The following AGPS variants were observed in gnomAD, a reference collection of about 807,000 sequenced individuals.
AGPS encodes the protein alkyldihydroxyacetonephosphate synthase, peroxisomal.
Under a neutral mutation model 90.7 loss-of-function variants are expected in AGPS, and 26 were observed. The observed-to-expected ratio is 0.29, with a 90% CI of 0.21 to 0.40. The LOEUF (loss-of-function observed/expected upper bound fraction) is 0.40. Ranked by LOEUF, AGPS falls within the 10% of genes least tolerant of loss-of-function variation. The pLI, the probability that AGPS is intolerant of heterozygous loss-of-function variation, is 1.00. For synonymous variants in AGPS, 294 were observed against 285.3 expected (o/e 1.03, Z -0.31); for missense variants, 540 against 816.1 (o/e 0.66, Z 4.12).
intron 19 of AGPS, among the ~76,000 whole-genome samples, chr2:177,531,714 G>A (rs1270803298): frequency 6.6e-6 from 1 of 152,090 alleles, no homozygotes; most frequent in African/African-American, 2.4e-5. Flanking sequence ...AATGAATAAA[G>A]TAAAAGCAGT....
At chr2:177,492,078 A>G (rs879823573) in intron 11 of AGPS, among the ~76,000 whole-genome samples, 8 of 152,070 alleles carry the variant, frequency 5.3e-5, no homozygotes, top group Non-Finnish European at 7.4e-5. Flanking sequence ...GAGCCACTGC[A>G]CCCATCCCCT....
chr2:177,475,348 A>G (rs1687751731), intron 10 of AGPS, among the ~76,000 whole-genome samples: 1 of 152,204 alleles, frequency 6.6e-6, no homozygotes, highest in Non-Finnish European at 1.5e-5. Flanking sequence ...AGGGGGTAAG[A>G]CAGCATAGTA....
chr2:177,395,593 G>A (rs531197757), intron 1 of AGPS, among the ~76,000 whole-genome samples: 16 of 152,318 alleles, frequency 1.1e-4, no homozygotes, highest in Non-Finnish European at 2.1e-4. Flanking sequence ...ACTTAGCTGG[G>A]CCTGCAGTTG....
chr2:177,496,951 A>G (rs1243656279), intron 12 of AGPS, among the ~76,000 whole-genome samples: 1 of 152,090 alleles, frequency 6.6e-6, no homozygotes, highest in Non-Finnish European at 1.5e-5. Flanking sequence ...TTTTGTATAA[A>G]TGGTATGACA....
intron 11 of AGPS, among the ~76,000 whole-genome samples, chr2:177,492,072 C>CACTG (rs1248904478): frequency 6.6e-6 from 1 of 152,136 alleles, no homozygotes. Context: ...AAGTGTGAGC[C>CACTG]ACTGCACCCA....
rs1171227644 is a variant in AGPS, at chr2:177,420,216, A to G, written c.261-53A>G. The stretch of plus-strand genomic sequence containing the variant: ...GTTAATAATCAATGATATACTGTAC[A>G]GTTTTAAGATGTTTAGCATTGGTCT... On this transcript the variant is annotated intron_variant, in intron 1 of 19. Coordinates refer to ENST00000264167, the MANE Select transcript of AGPS (RefSeq NM_003659.4). The G allele has an allele frequency of 3.6e-6, 4 of 1,114,170 alleles. No homozygotes were observed. In the East Asian group the frequency reaches 7.1e-5, roughly 20 times the overall value. 69.0% of individuals were successfully genotyped at this position (1,114,170 alleles called of 1,614,324 possible).
chr2:177,475,646 T>G (rs1687760116), intron 10 of AGPS, among the ~76,000 whole-genome samples: 1 of 152,250 alleles, frequency 6.6e-6, no homozygotes, highest in African/African-American at 2.4e-5. Flanking sequence ...ATTCCTTTTT[T>G]TATAACTGAA....
rs565376883 is a variant in AGPS at position 177,537,409 on chromosome 2, G to A, written c.1856-665G>A. On this transcript the variant is annotated intron_variant, in intron 19 of 19. Coordinates refer to ENST00000264167, the MANE Select transcript of AGPS (RefSeq NM_003659.4). The stretch of plus-strand genomic sequence containing the variant: ...TGTAAAAGCAAAAGATTAAGTTTAC[G>A]ATGGATTAGGTATTTGATTTATTTA... Among the ~76,000 whole-genome samples the A allele has an allele frequency of 8.5e-5, 13 of 152,182 alleles. No individual in the cohort carries two copies. In the South Asian group the frequency reaches 2.1e-3, roughly 24 times the overall value.
intron 2 of AGPS, among the ~76,000 whole-genome samples, chr2:177,423,427 A>C (rs1455805340): frequency 6.6e-5 from 10 of 152,196 alleles, no homozygotes; most frequent in Admixed American, 6.5e-4. Context: ...CTATTCTGGC[A>C]GTGAGGTAGA....
chr2:177,450,854 A>G (rs1007533835), intron 8 of AGPS, among the ~76,000 whole-genome samples: 8 of 127,414 alleles, frequency 6.3e-5, no homozygotes. Context: ...TGACAGCTTA[A>G]CAGTTTTGAT....
intron 19 of AGPS, among the ~76,000 whole-genome samples, chr2:177,533,207 T>C (rs1239367582): frequency 6.6e-6 from 1 of 152,210 alleles, no homozygotes; most frequent in African/African-American, 2.4e-5. Flanking sequence ...GATTATAATA[T>C]TTTTCCATTG....
intron 1 of AGPS, among the ~76,000 whole-genome samples, chr2:177,408,020 G>T (rs564472114): frequency 6.6e-6 from 1 of 152,206 alleles, no homozygotes; most frequent in South Asian, 2.1e-4. Flanking sequence ...GGCCTCAGGT[G>T]GTTCTCCCAC....
At chr2:177,421,461 A>G (rs1180919708) in intron 2 of AGPS, among the ~76,000 whole-genome samples, 1 of 152,072 alleles carries the variant, frequency 6.6e-6, no homozygotes, top group Non-Finnish European at 1.5e-5. Context: ...TTTTTCTGAC[A>G]TTAATATTTT....
chr2:177,498,707 T>A (rs368499135), intron 13 of AGPS, among the ~76,000 whole-genome samples: 3 of 151,750 alleles, frequency 2.0e-5, no homozygotes, highest in African/African-American at 7.2e-5. Flanking sequence ...AATCTTCACC[T>A]CCTGCTCCTC....
chr2:177,436,862 T>A lies in AGPS; in HGVS notation c.540T>A (p.Asp180Glu). The A allele has an allele frequency of 6.2e-7, 1 of 1,612,914 alleles. No homozygotes were observed. Among genetic ancestry groups the A allele is most frequent in the East Asian group, 2.2e-5 (1 of 44,748 alleles). The change falls in exon 4 of 20, where the codon GAT becomes GAA. Residue 180 changes from aspartate (D) to glutamate (E), a missense_variant. Around this residue, in one of 2 missense-constraint regions of AGPS, gnomAD observed 405 missense variants for 692.1 expected, o/e 0.59. Transcript: ENST00000264167. The part of the protein sequence containing the change: ...ETNISYSQEA[D>E]DRVFRAHGHC... ...ATATTTCATATTCACAAGAGGCAGA[T>A]GATCGAGTATTTAGAGCTCATGGTA... is the stretch of plus-strand genomic sequence containing the variant.
intron 19 of AGPS, among the ~76,000 whole-genome samples, chr2:177,533,063 T>C (rs2079152067): frequency 2.6e-5 from 4 of 152,206 alleles, no homozygotes; most frequent in Admixed American, 2.6e-4. Context: ...GTCTTATTCC[T>C]TTGATAGCTA....
At chr2:177,414,273 C>T (rs1429525235) in intron 1 of AGPS, among the ~76,000 whole-genome samples, 1 of 152,082 alleles carries the variant, frequency 6.6e-6, no homozygotes, top group Non-Finnish European at 1.5e-5. Flanking sequence ...CAGTGGCAAT[C>T]ATGGCTCACT....
At chr2:177,517,783 T>C (rs932550228) in intron 17 of AGPS, among the ~76,000 whole-genome samples, 1 of 152,184 alleles carries the variant, frequency 6.6e-6, no homozygotes, top group Non-Finnish European at 1.5e-5. Context: ...AACCAAAAAA[T>C]TAGTGTTGTT....
intron 10 of AGPS, among the ~76,000 whole-genome samples, chr2:177,477,080 A>T (rs1008644438): frequency 2.0e-5 from 3 of 151,994 alleles, no homozygotes; most frequent in Admixed American, 6.6e-5. Flanking sequence ...GGATCTTTTT[A>T]AAAAAATCGT....
Sources: allele counts gnomAD v4.1 joint callset (sites outside exome capture counted in the v4.1 genomes callset), GRCh38; gene constraint gnomAD v4.1.1; regional missense constraint gnomAD v4.1.1; transcripts MANE v1.5; gene names NCBI Gene and HGNC (gene_info 2026-07-23, HGNC 2026-07-21).